The following CASP8 variants were observed in gnomAD, a reference collection of about 807,000 sequenced individuals.
The protein encoded by CASP8 is caspase-8.
Under a neutral mutation model 46.3 loss-of-function variants are expected in CASP8, and 24 were observed. The ratio of observed to expected loss-of-function variants is 0.52; its 90% CI spans 0.38 to 0.73. CASP8 has a LOEUF of 0.73. Among genes scored for constraint, CASP8 ranks in the 30% least tolerant of loss-of-function variants. The pLI is 0.00. For missense variants in CASP8, 460 were observed against 559.0 expected, an observed-to-expected ratio of 0.82 and a Z score of 1.79; for synonymous variants, 188 against 200.4, an observed-to-expected ratio of 0.94 and a Z score of 0.52.
At chr2:201,236,722 C>T (rs1052443615) in intron 2 of CASP8, among the ~76,000 whole-genome samples, 1 of 152,048 alleles carries the variant, frequency 6.6e-6, no homozygotes, top group African/African-American at 2.4e-5. Flanking sequence ...CACTTCAGCT[C>T]CCCATCTGCG....
At chr2:201,273,679 CTT>C (rs763280710) in intron 5 of CASP8, among the ~76,000 whole-genome samples, 6 of 145,968 alleles carry the variant, frequency 4.1e-5, no homozygotes, top group African/African-American at 5.0e-5. Context: ...ATCAAATAGT[CTT>C]TTTTTTTTTT....
At chr2:201,259,844 G>A (rs1232454322), upstream of CASP8, among the ~76,000 whole-genome samples, 1 of 151,626 alleles carries the variant, frequency 6.6e-6, no homozygotes, top group East Asian at 1.9e-4. Context: ...TGGTAAGATG[G>A]ACTTACCATC....
chr2:201,269,474 G>T (rs1250414710), intron 2 of CASP8: 6 of 1,470,818 alleles, frequency 4.1e-6, no homozygotes, highest in Middle Eastern at 1.8e-4. Context: ...GCCGAGGGGG[G>T]TCTCATCTTG....
At chr2:201,252,318 C>T (rs568625849) in intron 2 of CASP8, among the ~76,000 whole-genome samples, 4 of 152,156 alleles carry the variant, frequency 2.6e-5, no homozygotes, top group African/African-American at 7.2e-5. Context: ...GCTCTGTCAC[C>T]AGGCTGTAGT....
chr2:201,260,688 C>A, intron 1 of CASP8, 75 bp downstream of exon 1: 2 of 403,846 alleles, frequency 5.0e-6, no homozygotes, highest in Non-Finnish European at 6.7e-6. Context: ...GTTTTCTAGG[C>A]TGCTGAGAGT....
At chr2:201,276,780 T>C (rs1404418542) in intron 6 of CASP8, 47 bp from the exon 7 acceptor site, 7 of 1,613,088 alleles carry the variant, frequency 4.3e-6, no homozygotes, top group Non-Finnish European at 5.9e-6. Flanking sequence ...ACATCTCTAG[T>C]GTTTGACCCA....
At chr2:201,257,227 A>G (rs1291034532), upstream of CASP8, among the ~76,000 whole-genome samples, 1 of 150,574 alleles carries the variant, frequency 6.6e-6, no homozygotes, top group African/African-American at 2.4e-5. Context: ...CATGCCTGTA[A>G]TCCCAGCACT....
chr2:201,284,623 A>G, intron 7 of CASP8, among the ~76,000 whole-genome samples, 193 bp from the exon 8 acceptor site: 1 of 56,606 alleles, frequency 1.8e-5, no homozygotes, highest in South Asian at 8.8e-4. Context: ...CCGAGATGGC[A>G]GCAGTACCGT....
chr2:201,272,811 C>A lies in CASP8; in HGVS notation c.550+35C>A, dbSNP rs575474949. 1.8e-5 allele frequency: 29 copies of A among 1,614,108 alleles called. No individual in the cohort carries two copies. In the African/African-American group the frequency reaches 3.7e-4, roughly 21 times the overall value. ...ACCTGACAGCCGGGAATCGGCAAAA[C>A]CTACTCTAAAATTGAAACTGACAAA... On this transcript the variant is annotated intron_variant, in intron 4 of 8. Coordinates refer to ENST00000673742, the MANE Select transcript of CASP8 (RefSeq NM_001372051.1). The surrounding 1 kb of genome is among the most constrained non-coding windows in gnomAD (Gnocchi z 4.4).
At position 201,285,117 on chromosome 2, in the gene CASP8, T is replaced by C. The variant is rs1949494032; in HGVS notation, c.1104T>C (p.Gly368=). 1.9e-6 allele frequency: 3 copies of C among 1,614,138 alleles called. No homozygotes were observed. Among genetic ancestry groups the C allele is most frequent in the Non-Finnish European group, 2.5e-6 (3 of 1,180,000 alleles). The change falls in exon 8 of 9, where the codon GGT becomes GGC. Residue 368 remains glycine, a synonymous_variant. Transcript: ENST00000673742. ...GTCAGGGGGATAACTACCAGAAAGG[T>C]ATACCTGTTGAGACTGATTCAGAGG... ...QACQGDNYQK[G]IPVETDSEEQ...
At chr2:201,243,124 C>CTAAACTAACTAAGTTTAGCTTAACTCT (rs1156556630) in intron 2 of CASP8, among the ~76,000 whole-genome samples, 4 of 152,052 alleles carry the variant, frequency 2.6e-5, no homozygotes, top group African/African-American at 9.7e-5. Context: ...TTTAGTTAAG[C>CTAAACTAACTAAGTTTAGCTTAACTCT]AAGATGAGTA....
chr2:201,273,458 C>CA (rs1948425230), intron 5 of CASP8, among the ~76,000 whole-genome samples: 1 of 151,376 alleles, frequency 6.6e-6, no homozygotes, highest in Non-Finnish European at 1.5e-5. Context: ...TTCTATGTGG[C>CA]TTTTTTTTTC....
chr2:201,278,332 C>T (rs759269753), intron 7 of CASP8, among the ~76,000 whole-genome samples: 3 of 152,112 alleles, frequency 2.0e-5, no homozygotes, highest in Non-Finnish European at 2.9e-5. Flanking sequence ...GTCATTTCTC[C>T]TGAGAGACTC....
At chr2:201,268,913 G>GTC (rs1424360683) in intron 2 of CASP8, among the ~76,000 whole-genome samples, 1 of 113,524 alleles carries the variant, frequency 8.8e-6, no homozygotes, top group Non-Finnish European at 1.7e-5. Flanking sequence ...TCATCTTTGT[G>GTC]TGTGTGTGTG....
At chr2:201,283,542 C>T (rs1576379538) in intron 7 of CASP8, among the ~76,000 whole-genome samples, 3 of 89,640 alleles carry the variant, frequency 3.3e-5, no homozygotes, top group African/African-American at 3.8e-5. Flanking sequence ...CCTCACCTCC[C>T]GGACGGGGCG....
intron 2 of CASP8, among the ~76,000 whole-genome samples, chr2:201,247,802 A>G (rs1014688048): frequency 3.9e-5 from 6 of 151,914 alleles, no homozygotes; most frequent in Non-Finnish European, 5.9e-5. Context: ...CCGCCACCAC[A>G]CCTGGCTAAT....
upstream of CASP8, chr2:201,258,305 C>T (rs34210251): frequency 7.3e-5 from 118 of 1,613,970 alleles, no homozygotes; most frequent in Non-Finnish European, 9.2e-5. Flanking sequence ...TTTCCCACCC[C>T]CTTCCCTGCT....
chr2:201,243,694 C>T (rs190907155), intron 2 of CASP8, among the ~76,000 whole-genome samples: 2 of 152,236 alleles, frequency 1.3e-5, no homozygotes, highest in East Asian at 1.9e-4. Context: ...CGTGTAATAT[C>T]GTTATTAATG....
chr2:201,257,186 G>A (rs1004892255), upstream of CASP8, among the ~76,000 whole-genome samples: 17 of 149,156 alleles, frequency 1.1e-4, no homozygotes, highest in African/African-American at 4.2e-4. Flanking sequence ...GCAGATGGCA[G>A]AGAACAGGGG....
Sources: allele counts gnomAD v4.1 joint callset (sites outside exome capture counted in the v4.1 genomes callset), GRCh38; gene constraint gnomAD v4.1.1; non-coding constraint Gnocchi (gnomAD v3.1); transcripts MANE v1.5; gene names NCBI Gene and HGNC (gene_info 2026-07-23, HGNC 2026-07-21).